The following DEPDC4 variants were observed in gnomAD, a reference collection of about 807,000 sequenced individuals.
The protein encoded by DEPDC4 is DEP domain-containing protein 4.
DEPDC4 carries 52 observed loss-of-function variants against 52.0 expected under a neutral mutation model. The ratio of observed to expected loss-of-function variants is 1.00; its 90% CI spans 0.80 to 1.26. The LOEUF is 1.26. Among genes scored for constraint, DEPDC4 ranks in the 50% most tolerant of loss-of-function variants. The probability of loss-of-function intolerance (pLI) is 0.00; values close to 1 mark genes in which losing one functional copy is unlikely to be tolerated. For missense variants in DEPDC4, 530 were observed against 546.9 expected (o/e 0.97, Z 0.31); for synonymous variants, 201 against 196.8 (o/e 1.02, Z -0.18).
intron 1 of DEPDC4, among the ~76,000 whole-genome samples, chr12:100,265,223 G>T (rs1391626084): frequency 6.6e-6 from 1 of 152,172 alleles, no homozygotes; most frequent in African/African-American, 2.4e-5. Context: ...GAGCCAGGGA[G>T]GCCGAGGCTG....
intron 2 of DEPDC4, 96 bp downstream of exon 2, chr12:100,263,401 G>T: frequency 1.1e-5 from 12 of 1,044,162 alleles, no homozygotes; most frequent in Middle Eastern, 3.2e-4. Context: ...TTTTTAATTG[G>T]CTTCTGAAAA....
intron 9 of DEPDC4, among the ~76,000 whole-genome samples, chr12:100,233,163 A>G (rs967656681): frequency 6.6e-6 from 1 of 152,292 alleles, no homozygotes; most frequent in East Asian, 1.9e-4. Context: ...CACACCTTCA[A>G]TTTAGATGTT....
At chr12:100,267,095 A>G (rs201278046), upstream of DEPDC4, 475 of 1,609,394 alleles carry the variant, frequency 3.0e-4, no homozygotes, top group Middle Eastern at 4.3e-3. Context: ...CCCACCTGAC[A>G]CCCGGGGCGG....
chr12:100,273,096 T>TA, the DEPDC4 span, among the ~76,000 whole-genome samples: 18 of 152,166 alleles, frequency 1.2e-4, no homozygotes, highest in African/African-American at 4.3e-4. Context: ...CTCTGCTTGA[T>TA]AGAGTGATTG....
intron 8 of DEPDC4, 140 bp from the exon 9 acceptor site, chr12:100,242,709 C>T (rs77746623): frequency 0.013 from 1,936 of 154,872 alleles, 42 homozygotes; most frequent in African/African-American, 0.044. Flanking sequence ...CAACTTTCTT[C>T]AGTCTCAGAA....
chr12:100,266,631 C>G (rs2096274712), intron 1 of DEPDC4, among the ~76,000 whole-genome samples: 1 of 152,186 alleles, frequency 6.6e-6, no homozygotes, highest in Admixed American at 6.5e-5. Flanking sequence ...TTATCAGACC[C>G]TACTCCTCAA....
chr12:100,251,946 T>A (rs1301766768), intron 7 of DEPDC4, among the ~76,000 whole-genome samples: 2 of 152,136 alleles, frequency 1.3e-5, no homozygotes, highest in African/African-American at 4.8e-5. Flanking sequence ...GTGATCCACA[T>A]GCCTCAGTCT....
intron 7 of DEPDC4, among the ~76,000 whole-genome samples, chr12:100,249,261 T>A (rs35323095): frequency 0.02 from 3,028 of 152,330 alleles, 46 homozygotes; most frequent in Non-Finnish European, 0.033. Context: ...AAATTATTTG[T>A]AATTTACAGC....
In DEPDC4 at chr12:100,263,690, C is replaced by A. The variant is rs770704988; in HGVS notation, c.361G>T (p.Val121Phe). 1.9e-6 allele frequency: 3 copies of A among 1,614,042 alleles called. No individual in the cohort carries two copies. The highest frequency in any genetic ancestry group is 1.1e-5 in the South Asian group (1 of 91,066). The part of the protein sequence containing the change: ...SSNDISCLKG[V>F]HLCQVLMNHK... ...TTCATTAGAACTTGGCAAAGATGAACCCCTTTAAGACAAGAGATGTCATTG... is the reference window on the plus strand; with the variant it reads ...TTCATTAGAACTTGGCAAAGATGAAACCCTTTAAGACAAGAGATGTCATTG... The change falls in exon 2 of 10, where the codon GTT (valine) becomes TTT (phenylalanine). Residue 121 changes from valine (V) to phenylalanine (F), a missense_variant. Transcript: ENST00000550587.
chr12:100,270,267 G>C (rs1341813664), upstream of DEPDC4, among the ~76,000 whole-genome samples: 1 of 152,062 alleles, frequency 6.6e-6, no homozygotes, highest in Admixed American at 6.6e-5. Context: ...GATTAAAGGC[G>C]TGAGCCACCG....
chr12:100,258,063 GA>G (rs1483939521), intron 3 of DEPDC4, among the ~76,000 whole-genome samples: 2 of 152,138 alleles, frequency 1.3e-5, no homozygotes, highest in African/African-American at 4.8e-5. Flanking sequence ...GCCATAACAT[GA>G]TCATAGCTCA....
intron 7 of DEPDC4, among the ~76,000 whole-genome samples, chr12:100,251,771 T>C (rs1311332539): frequency 6.6e-6 from 1 of 152,218 alleles, no homozygotes; most frequent in African/African-American, 2.4e-5. Flanking sequence ...TTTTGCCATG[T>C]TGGCCAGGCT....
At chr12:100,247,470 T>C (rs911453658) in intron 8 of DEPDC4, among the ~76,000 whole-genome samples, 1 of 152,132 alleles carries the variant, frequency 6.6e-6, no homozygotes, top group Non-Finnish European at 1.5e-5. Context: ...CCTCTCAAAG[T>C]GCTGGGATTA....
intron 1 of DEPDC4, among the ~76,000 whole-genome samples, chr12:100,265,350 C>G (rs58741971): frequency 0.029 from 4,397 of 152,200 alleles, 84 homozygotes; most frequent in African/African-American, 0.058. Context: ...AATCCCAGCA[C>G]TTTGGGAGGC....
At chr12:100,247,475 G>A (rs2096190932) in intron 8 of DEPDC4, among the ~76,000 whole-genome samples, 1 of 151,948 alleles carries the variant, frequency 6.6e-6, no homozygotes, top group Admixed American at 6.6e-5. Flanking sequence ...CAAAGTGCTG[G>A]GATTACAGGC....
chr12:100,271,260 C>CAAAAAAAAAA (rs11354103), upstream of DEPDC4, among the ~76,000 whole-genome samples: 69 of 83,314 alleles, frequency 8.3e-4, no homozygotes, highest in African/African-American at 3.5e-3. Flanking sequence ...TGCAGAGCAG[C>CAAAAAAAAAA]AAAAAAAAAA....
intron 8 of DEPDC4, among the ~76,000 whole-genome samples, chr12:100,246,830 T>A (rs190495716): frequency 2.6e-4 from 40 of 151,920 alleles, no homozygotes; most frequent in Middle Eastern, 3.4e-3. Context: ...CCCAGCTACT[T>A]GGGAGGCTGA....
chr12:100,273,425 T>C, the DEPDC4 span, among the ~76,000 whole-genome samples: 1 of 152,158 alleles, frequency 6.6e-6, no homozygotes, highest in Admixed American at 6.5e-5. Context: ...TACTTGTCTG[T>C]CTTCTCCCTT....
upstream of DEPDC4, among the ~76,000 whole-genome samples, chr12:100,270,673 C>T (rs1349928301): frequency 4.1e-5 from 6 of 147,578 alleles, no homozygotes; most frequent in African/African-American, 1.5e-4. Context: ...CAGGGTCTCA[C>T]TATGTTGCCC....
Sources: gnomAD v4.1 joint callset for allele counts (sites outside exome capture counted in the v4.1 genomes callset) on GRCh38, gnomAD v4.1.1 for gene constraint, MANE v1.5 for transcripts, NCBI Gene and HGNC (gene_info 2026-07-23, HGNC 2026-07-21) for gene names.